TMPRSS11E: variants seen among roughly 807,000 people sequenced by gnomAD.
TMPRSS11E encodes the protein transmembrane protease serine 11E.
A neutral mutation model predicts 48.1 loss-of-function variants in TMPRSS11E; 38 were observed. The ratio of observed to expected loss-of-function variants is 0.79; its 90% confidence interval spans 0.61 to 1.04. The LOEUF is 1.04. TMPRSS11E is among the 50% of genes least tolerant of loss of function. TMPRSS11E has a pLI of 0.00. For synonymous variants in TMPRSS11E, 158 were observed against 171.9 expected (o/e 0.92, Z 0.63); for missense variants, 530 against 510.8 (o/e 1.04, Z -0.36).
rs750175184 is a variant in TMPRSS11E, at chr4:68,476,290, G to C, written c.559G>C (p.Gly187Arg). The change falls in exon 7 of 10, where the codon GGT (glycine) becomes CGT (arginine). Residue 187 changes from glycine (G) to arginine (R), a missense_variant. Transcript: ENST00000305363. ...CGGAACACGAAGAAGTAAAACTCTA[G>C]GTCAGAGTCTCAGGATCGTTGGTGG... ...CCGTRRSKTL[G>R]QSLRIVGGTE... The C allele has an allele frequency of 6.2e-7, 1 of 1,614,100 alleles. No homozygotes were observed. The highest frequency in any genetic ancestry group is 1.7e-5 in the Admixed American group (1 of 60,024).
chr4:68,476,372 G>A lies in TMPRSS11E; in HGVS notation c.641G>A (p.Ser214Asn). 1 of 1,614,154 alleles carries A rather than the reference G, an allele frequency of 6.2e-7. No individual in the cohort carries two copies. Among genetic ancestry groups the A allele is most frequent in the Non-Finnish European group, 8.5e-7 (1 of 1,179,982 alleles). The stretch of plus-strand genomic sequence containing the variant: ...CAGGCTAGCCTGCAGTGGGATGGGA[G>A]TCATCGCTGTGGAGCAACCTTAATT... ...PWQASLQWDG[S>N]HRCGATLINA... The change falls in exon 7 of 10, where the codon AGT (serine) becomes AAT (asparagine). Residue 214 changes from serine to asparagine, a missense_variant. Transcript: ENST00000305363.
chr4:68,448,813 A>G (rs146421308), intron 1 of TMPRSS11E, among the ~76,000 whole-genome samples: 1 of 151,974 alleles, frequency 6.6e-6, no homozygotes, highest in Non-Finnish European at 1.5e-5. Context: ...GATTGTATGA[A>G]AGATGAAGCA....
intron 9 of TMPRSS11E, among the ~76,000 whole-genome samples, chr4:68,481,114 A>G (rs1218194413): frequency 1.3e-5 from 2 of 152,056 alleles, no homozygotes; most frequent in Non-Finnish European, 2.9e-5. Context: ...CTGCATCCAT[A>G]TTGCTGCAAA....
intron 7 of TMPRSS11E, 36 bp downstream of exon 7, chr4:68,476,474 C>T: frequency 3.2e-6 from 5 of 1,559,834 alleles, no homozygotes; most frequent in Non-Finnish European, 3.5e-6. Context: ...TGGGAGTGAA[C>T]AAAGTGCACT....
intron 4 of TMPRSS11E, among the ~76,000 whole-genome samples, chr4:68,469,486 G>T (rs918125434): frequency 2.0e-5 from 3 of 151,840 alleles, no homozygotes; most frequent in Non-Finnish European, 4.4e-5. Flanking sequence ...CAAATTATTT[G>T]TATTAAAAAA....
chr4:68,470,380 C>T (rs951677307), intron 4 of TMPRSS11E, among the ~76,000 whole-genome samples: 9 of 151,744 alleles, frequency 5.9e-5, no homozygotes, highest in Admixed American at 4.6e-4. Flanking sequence ...AGAGTGTGGT[C>T]GGCATTGACA....
chr4:68,478,436 AC>A (rs1729301337), intron 8 of TMPRSS11E, among the ~76,000 whole-genome samples: 1 of 104,108 alleles, frequency 9.6e-6, no homozygotes, highest in Admixed American at 1.2e-4. Flanking sequence ...AAGCCACCGC[AC>A]CCGGTATCCC....
At chr4:68,487,206 C>T (rs1013643669) in intron 9 of TMPRSS11E, among the ~76,000 whole-genome samples, 7 of 151,632 alleles carry the variant, frequency 4.6e-5, no homozygotes, top group African/African-American at 1.2e-4. Context: ...TGTATAGTTG[C>T]ATATAGTGTC....
chr4:68,471,031 A>G (rs962733116), intron 4 of TMPRSS11E, among the ~76,000 whole-genome samples: 1 of 151,918 alleles, frequency 6.6e-6, no homozygotes, highest in African/African-American at 2.4e-5. Context: ...ATTAATAGCC[A>G]TATACTTAAC....
Position 68,496,767 on chromosome 4 carries a change from C to A in TMPRSS11E, c.1235C>A (p.Ala412Asp). 1.2e-6 allele frequency: 2 copies of A among 1,613,234 alleles called. No individual in the cohort carries two copies. The highest frequency in any genetic ancestry group is 1.7e-6 in the Non-Finnish European group (2 of 1,179,466). ...NKPGVYTRVT[A>D]LRDWITSKTG... Reference sequence around the variant, plus strand: ...CCTGGTGTTTATACTAGAGTTACGGCCTTGCGGGACTGGATTACTTCAAAA... The same window carrying A: ...CCTGGTGTTTATACTAGAGTTACGGACTTGCGGGACTGGATTACTTCAAAA... The change falls in exon 10 of 10, where the codon GCC (alanine) becomes GAC (aspartate). Residue 412 changes from alanine to aspartate, a missense_variant. Ala to Asp is a moderately radical substitution (Grantham distance 126). Transcript: ENST00000305363.
intron 2 of TMPRSS11E, among the ~76,000 whole-genome samples, chr4:68,465,661 T>C (rs894552059): frequency 3.9e-5 from 6 of 152,114 alleles, no homozygotes; most frequent in African/African-American, 1.4e-4. Context: ...CCTTTTCTTC[T>C]GTGGTTTAAG....
In TMPRSS11E at chr4:68,474,676, T is replaced by C. The variant is rs780283204; in HGVS notation, c.491-47T>C. On this transcript the variant is annotated intron_variant, in intron 5 of 9. Coordinates refer to ENST00000305363, the MANE Select transcript of TMPRSS11E (RefSeq NM_014058.4). ...GTATTTGAAATACTCGGAGGCATAG[T>C]GTAACTCTGATGTGCTGACCCTATT... 36 of 1,576,226 alleles carry C rather than the reference T, an allele frequency of 2.3e-5. No homozygotes were observed. The Admixed American group carries it at 4.4e-4, about 19-fold the overall frequency.
At chr4:68,454,830 G>T (rs777435306) in intron 1 of TMPRSS11E, among the ~76,000 whole-genome samples, 1 of 151,808 alleles carries the variant, frequency 6.6e-6, no homozygotes, top group African/African-American at 2.4e-5. Context: ...TAAAAAGTTG[G>T]TGTATAGTAG....
intron 1 of TMPRSS11E, among the ~76,000 whole-genome samples, chr4:68,460,407 A>G (rs1376226608): frequency 6.6e-6 from 1 of 152,220 alleles, no homozygotes; most frequent in Non-Finnish European, 1.5e-5. Flanking sequence ...TTTAGGTCCC[A>G]AAGTGCTTTA....
intron 1 of TMPRSS11E, among the ~76,000 whole-genome samples, chr4:68,459,639 C>G (rs1346001351): frequency 6.6e-6 from 1 of 152,110 alleles, no homozygotes. Flanking sequence ...AATAGAATGG[C>G]TGCATTGCTT....
intron 1 of TMPRSS11E, among the ~76,000 whole-genome samples, chr4:68,450,507 T>C (rs1014436256): frequency 1.1e-4 from 16 of 151,826 alleles, no homozygotes; most frequent in Non-Finnish European, 1.8e-4. Flanking sequence ...AGTAGAATCT[T>C]TGAGAAGTTT....
At chr4:68,487,321 G>A (rs1175427300) in intron 9 of TMPRSS11E, among the ~76,000 whole-genome samples, 2 of 151,438 alleles carry the variant, frequency 1.3e-5, no homozygotes, top group African/African-American at 4.9e-5. Flanking sequence ...GGTGCAATCT[G>A]AGCTCACTAC....
Position 68,476,254 on chromosome 4 carries a change from T to C in TMPRSS11E, c.530-7T>C, listed in dbSNP as rs1560554552. ...CCACCAATGCACCCCCCCTCTCTCT[T>C]TTGCAGGCTGCGGAACACGAAGAAG... On this transcript the variant is annotated splice_region_variant and splice_polypyrimidine_tract_variant and intron_variant, in intron 6 of 9. Transcript: ENST00000305363. 1.2e-6 allele frequency: 2 copies of C among 1,613,762 alleles called. No homozygotes were observed.
At chr4:68,457,113 C>T (rs376000161) in intron 1 of TMPRSS11E, among the ~76,000 whole-genome samples, 1 of 152,148 alleles carries the variant, frequency 6.6e-6, no homozygotes, top group East Asian at 1.9e-4. Flanking sequence ...TCAGAGTGAA[C>T]AGGCAACCTA....
Sources: allele counts gnomAD v4.1 joint callset (sites outside exome capture counted in the v4.1 genomes callset), GRCh38; gene constraint gnomAD v4.1.1; transcripts MANE v1.5; gene names NCBI Gene and HGNC (gene_info 2026-07-23, HGNC 2026-07-21).